TAMALIN: variants seen among roughly 807,000 people sequenced by gnomAD.
TAMALIN encodes protein TAMALIN.
Under a neutral mutation model 38.5 loss-of-function variants are expected in TAMALIN, and 9 were observed. The observed-to-expected ratio is 0.23, with a 90% CI of 0.14 to 0.41. The LOEUF is 0.41. TAMALIN is among the 10% of genes least tolerant of loss of function. TAMALIN has a pLI of 1.00. For missense variants in TAMALIN, 548 were observed against 554.1 expected, an observed-to-expected ratio of 0.99 and a Z score of 0.11; for synonymous variants, 306 against 256.5, an observed-to-expected ratio of 1.19 and a Z score of -1.85.
rs1189108662 is a variant in TAMALIN at position 52,007,323 on chromosome 12, C to T, written c.246+58C>T. ...AGCCCCTCTCCGACTCCCTACAGGG[C>T]CTGCTGACTCCGCAGTGCCCTCTCC... On this transcript the variant is annotated intron_variant, in intron 1 of 7. Transcript: ENST00000293662. This position sits in a 1 kb window ranked among gnomAD's most constrained non-coding sequence, Gnocchi z 6.7. The T allele has an allele frequency of 3.7e-6, 5 of 1,354,540 alleles. No individual in the cohort carries two copies. The highest frequency in any genetic ancestry group is 4.7e-6 in the Non-Finnish European group (5 of 1,053,746). The allele number at this position is 1,354,540 out of a possible 1,614,324, so 83.9% of individuals were successfully genotyped here. A position where few individuals can be genotyped will look rare whatever the true frequency, so the allele number is the denominator to read the frequency against.
In TAMALIN at chr12:52,014,863, C is replaced by A; in HGVS notation, c.852C>A (p.Val284=). 7.9e-7 allele frequency: 1 copy of A among 1,269,850 alleles called. No individual in the cohort carries two copies. Among genetic ancestry groups the A allele is most frequent in the East Asian group, 3.9e-5 (1 of 25,586 alleles). The allele number at this position is 1,269,850 out of a possible 1,614,324, so 78.7% of individuals were successfully genotyped here. Residue 284 remains valine (V), a synonymous_variant, in exon 8 of 8, where the codon GTC becomes GTA. Transcript: ENST00000293662. ...CCAGGGGCGACGCCGACGACGCCGT[C>A]TACCACACGTGCTTCTTCGGGGACT... is the stretch of plus-strand genomic sequence containing the variant. The part of the protein sequence containing the change: ...RRARGDADDA[V]YHTCFFGDSE...
At position 52,007,694 on chromosome 12, in the gene TAMALIN, G is replaced by A; in HGVS notation, c.246+429G>A. ...GGAGAAGCGGGCCGGTGGCTGCGCC[G>A]CGTGCGTTCTCACTCTGAGGAAGTG... On this transcript the variant is annotated intron_variant, in intron 1 of 7. Transcript: ENST00000293662. This position sits in a 1 kb window ranked among gnomAD's most constrained non-coding sequence, Gnocchi z 6.7. The A allele has an allele frequency of 1.0e-6, 1 of 985,376 alleles. No individual in the cohort carries two copies. The highest frequency in any genetic ancestry group is 1.2e-6 in the Non-Finnish European group (1 of 829,898). The allele number at this position is 985,376 out of a possible 1,614,324, so 61.0% of individuals were successfully genotyped here.
rs923422570 is a variant in TAMALIN, at chr12:52,011,525, A to T, written c.454+384A>T. 6.6e-6 allele frequency among the ~76,000 whole-genome samples: 1 copy of T among 152,128 alleles called. No individual in the cohort carries two copies. Among genetic ancestry groups the T allele is most frequent in the Non-Finnish European group, 1.5e-5 (1 of 68,028 alleles). ...CAACATTCCATTAAGTCTGTTTGAT[A>T]TTGGGGATCAGGCCAATCCTGCCCC... On this transcript the variant is annotated intron_variant, in intron 4 of 7. Transcript: ENST00000293662. The surrounding 1 kb of genome is among the most constrained non-coding windows in gnomAD (Gnocchi z 5.3).
Position 52,007,725 on chromosome 12 carries a change from G to T in TAMALIN, c.246+460G>T. On this transcript the variant is annotated intron_variant, in intron 1 of 7. Transcript: ENST00000293662. The surrounding 1 kb of genome is among the most constrained non-coding windows in gnomAD (Gnocchi z 6.7). ...GTTCTCACTCTGAGGAAGTGCGTGG[G>T]GAGCCGCTGACTCCGGATAGCACAC... The T allele has an allele frequency of 1.0e-6, 1 of 985,458 alleles. No individual in the cohort carries two copies. 61.0% of individuals were successfully genotyped at this position (985,458 alleles called of 1,614,324 possible).
Position 52,007,209 on chromosome 12 carries a change from C to A in TAMALIN, c.190C>A (p.Pro64Thr). 1 of 1,516,944 alleles carries A rather than the reference C, an allele frequency of 6.6e-7. No homozygotes were observed. The allele number at this position is 1,516,944 out of a possible 1,614,324, so 94.0% of individuals were successfully genotyped here. Reference protein sequence around the residue: ...ELYAALEDYHPAELYRALAVS... With the variant: ...ELYAALEDYHTAELYRALAVS... Reference sequence around the variant, plus strand: ...GTACGCGGCGCTGGAGGACTATCACCCTGCCGAGCTGTACCGCGCGCTCGC... The same window carrying A: ...GTACGCGGCGCTGGAGGACTATCACACTGCCGAGCTGTACCGCGCGCTCGC... The change falls in exon 1 of 8, where the codon CCT becomes ACT. Residue 64 changes from proline to threonine, a missense_variant. Physicochemically the swap from Pro to Thr is conservative, Grantham distance 38. Coordinates refer to ENST00000293662, the MANE Select transcript of TAMALIN (RefSeq NM_181711.4). This position sits in a 1 kb window ranked among gnomAD's most constrained non-coding sequence, Gnocchi z 6.7.
chr12:52,007,475 C>G lies in TAMALIN; in HGVS notation c.246+210C>G, dbSNP rs1297012459. 1.0e-6 allele frequency: 1 copy of G among 984,974 alleles called. No homozygotes were observed. The highest frequency in any genetic ancestry group is 1.2e-6 in the Non-Finnish European group (1 of 829,732). 61.0% of individuals were successfully genotyped at this position (984,974 alleles called of 1,614,324 possible). ...CGCGCCCAGGCTCGGTGGCTCTTAA[C>G]TCCGCGCCCCATGCACGCCCCCTCT... On this transcript the variant is annotated intron_variant, in intron 1 of 7. Coordinates refer to ENST00000293662, the MANE Select transcript of TAMALIN (RefSeq NM_181711.4). The surrounding 1 kb of genome is among the most constrained non-coding windows in gnomAD (Gnocchi z 6.7).
chr12:52,010,752 C>T, intron 2 of TAMALIN, 129 bp from the exon 3 acceptor site: 1 of 1,080,426 alleles, frequency 9.3e-7, no homozygotes, highest in Non-Finnish European at 1.4e-6. Flanking sequence ...TGTGATGAGA[C>T]TGAGCTGTCA....
At chr12:52,013,263 G>C (rs1937700155) in intron 4 of TAMALIN, among the ~76,000 whole-genome samples, 1 of 149,972 alleles carries the variant, frequency 6.7e-6, no homozygotes, top group South Asian at 2.1e-4. Flanking sequence ...ATTTTTAGTA[G>C]AGACGGGGTT....
At position 52,014,687 on chromosome 12, in the gene TAMALIN, T is replaced by G; in HGVS notation, c.683-7T>G. On this transcript the variant is annotated splice_region_variant and splice_polypyrimidine_tract_variant and intron_variant, in intron 7 of 7. Transcript: ENST00000293662. ...ACCCGCCCCCTACCTCTCCCGTCTC[T>G]GCGCAGGCCTGGTGGTGAAGGACCC... 6.8e-7 allele frequency: 1 copy of G among 1,481,290 alleles called. No homozygotes were observed. Among genetic ancestry groups the G allele is most frequent in the Non-Finnish European group, 8.9e-7 (1 of 1,129,666 alleles). 91.8% of individuals were successfully genotyped at this position (1,481,290 alleles called of 1,614,324 possible).
chr12:52,014,592 G>C, intron 7 of TAMALIN, 102 bp from the exon 8 acceptor site: 4 of 867,806 alleles, frequency 4.6e-6, no homozygotes, highest in Middle Eastern at 3.7e-4. Context: ...GAGATGGTCA[G>C]CAGGACGGAG....
chr12:52,008,877 T>TA, intron 1 of TAMALIN: 2 of 454,154 alleles, frequency 4.4e-6, no homozygotes, highest in Non-Finnish European at 2.9e-6. Context: ...TGGAGACCAT[T>TA]TTAGAATAAT....
In TAMALIN at chr12:52,013,950, G is replaced by C; in HGVS notation, c.615+7G>C. The C allele has an allele frequency of 6.2e-7, 1 of 1,613,830 alleles. No homozygotes were observed. The highest frequency in any genetic ancestry group is 1.1e-5 in the South Asian group (1 of 91,068). ...TCGTCTGCAGTACCTGAAGGTAGGG[G>C]AACCTAGATAACGTCCAGCCTCCAC... On this transcript the variant is annotated splice_region_variant and intron_variant, in intron 6 of 7. Transcript: ENST00000293662.
Position 52,007,634 on chromosome 12 carries a change from C to G in TAMALIN, c.246+369C>G. On this transcript the variant is annotated intron_variant, in intron 1 of 7. Coordinates refer to ENST00000293662, the MANE Select transcript of TAMALIN (RefSeq NM_181711.4). This position sits in a 1 kb window ranked among gnomAD's most constrained non-coding sequence, Gnocchi z 6.7. ...CCCCTCGCCCGAGGGACAGAGACAG[C>G]CCCAGGCAAGTTGAAGGTCCGAGAG... 1 of 985,358 alleles carries G rather than the reference C, an allele frequency of 1.0e-6. No homozygotes were observed. The highest frequency in any genetic ancestry group is 5.2e-4 in the Middle Eastern group (1 of 1,914). 61.0% of individuals were successfully genotyped at this position (985,358 alleles called of 1,614,324 possible).
At chr12:52,010,267 G>A (rs1376371592) in intron 2 of TAMALIN, among the ~76,000 whole-genome samples, 2 of 152,180 alleles carry the variant, frequency 1.3e-5, no homozygotes, top group Non-Finnish European at 2.9e-5. Flanking sequence ...GGGCGGGAAG[G>A]AAGGGGGTGG....
intron 1 of TAMALIN, chr12:52,008,309 AC>A: frequency 1.0e-6 from 1 of 985,024 alleles, no homozygotes; most frequent in Non-Finnish European, 1.2e-6. Context: ...CTGGGACTGG[AC>A]CTCCTCCCAG....
At chr12:52,014,013 T>C in intron 6 of TAMALIN, 70 bp downstream of exon 6, 1 of 1,563,160 alleles carries the variant, frequency 6.4e-7, no homozygotes, top group Non-Finnish European at 8.8e-7. Context: ...GGGGGGTCAC[T>C]TACAGCTGAA....
chr12:52,007,332 T>A lies in TAMALIN; in HGVS notation c.246+67T>A. ...CCGACTCCCTACAGGGCCTGCTGACTCCGCAGTGCCCTCTCCTCGGCGTCC... is the reference window on the plus strand; with the variant it reads ...CCGACTCCCTACAGGGCCTGCTGACACCGCAGTGCCCTCTCCTCGGCGTCC... On this transcript the variant is annotated intron_variant, in intron 1 of 7. Coordinates refer to ENST00000293662, the MANE Select transcript of TAMALIN (RefSeq NM_181711.4). This position sits in a 1 kb window ranked among gnomAD's most constrained non-coding sequence, Gnocchi z 6.7. 1 of 1,341,034 alleles carries A rather than the reference T, an allele frequency of 7.5e-7. No homozygotes were observed. The highest frequency in any genetic ancestry group is 9.6e-7 in the Non-Finnish European group (1 of 1,046,254). The allele number at this position is 1,341,034 out of a possible 1,614,324, so 83.1% of individuals were successfully genotyped here. A position where few individuals can be genotyped will look rare whatever the true frequency, so the allele number is the denominator to read the frequency against.
chr12:52,014,256 T>C, intron 7 of TAMALIN, 55 bp downstream of exon 7: 1 of 1,408,286 alleles, frequency 7.1e-7, no homozygotes, highest in Non-Finnish European at 9.9e-7. Flanking sequence ...ACACCCCATC[T>C]GCGCTTCCCC....
In TAMALIN at chr12:52,007,123, C is replaced by G. The variant is rs1265925193; in HGVS notation, c.104C>G (p.Pro35Arg). Residue 35 changes from proline to arginine, a missense_variant, in exon 1 of 8, where the codon CCG becomes CGG. Transcript: ENST00000293662. The surrounding 1 kb of genome is among the most constrained non-coding windows in gnomAD (Gnocchi z 6.7). ...GACTCGGAAGTCGCGCCCGCCGCTC[C>G]GGTCCCGACCCCGGGACCCCCTGCC... is the stretch of plus-strand genomic sequence containing the variant. ...TPDSEVAPAA[P>R]VPTPGPPAAA... 8 of 1,485,308 alleles carry G rather than the reference C, an allele frequency of 5.4e-6. No individual in the cohort carries two copies. The highest frequency in any genetic ancestry group is 7.1e-6 in the Non-Finnish European group (8 of 1,125,922). The allele number at this position is 1,485,308 out of a possible 1,614,324, so 92.0% of individuals were successfully genotyped here. A position where few individuals can be genotyped will look rare whatever the true frequency, so the allele number is the denominator to read the frequency against.
Sources: allele counts gnomAD v4.1 joint callset (sites outside exome capture counted in the v4.1 genomes callset), GRCh38; gene constraint gnomAD v4.1.1; non-coding constraint Gnocchi (gnomAD v3.1); transcripts MANE v1.5; gene names NCBI Gene and HGNC (gene_info 2026-07-23, HGNC 2026-07-21).